Variants in PTK2B observed in about 807,000 individuals in gnomAD.
PTK2B encodes protein tyrosine kinase 2 beta, also known as protein-tyrosine kinase 2-beta.
A neutral mutation model predicts 142.9 loss-of-function variants in PTK2B; 71 were observed. The ratio of observed to expected loss-of-function variants is 0.50; its 90% CI spans 0.41 to 0.61. The LOEUF (loss-of-function observed/expected upper bound fraction) is 0.61. Among genes scored for constraint, PTK2B ranks in the 20% least tolerant of loss-of-function variants. PTK2B has a pLI of 0.00. For missense variants in PTK2B, 1,105 were observed against 1,320.4 expected (o/e 0.84, Z 2.53); for synonymous variants, 519 against 503.4 (o/e 1.03, Z -0.42).
Position 27,433,699 on chromosome 8 carries a change from C to T in PTK2B, c.1105+147C>T, listed in dbSNP as rs770031899. 26 of 729,500 alleles carry T rather than the reference C, an allele frequency of 3.6e-5. No homozygotes were observed. The East Asian group carries it at 6.4e-4, about 18-fold the overall frequency. The allele number at this position is 729,500 out of a possible 1,614,324, so 45.2% of individuals were successfully genotyped here. On this transcript the variant is annotated intron_variant, in intron 11 of 30. Transcript: ENST00000346049. ...GCCCAGCGGGAAGCTTCCAGTGGGC[C>T]CATCTTAGGCTTTAAGCCCTGGCCG...
intron 1 of PTK2B, among the ~76,000 whole-genome samples, chr8:27,378,695 G>C (rs1806827638): frequency 6.7e-6 from 1 of 150,108 alleles, no homozygotes; most frequent in Non-Finnish European, 1.5e-5. Flanking sequence ...CAGAAAAGTA[G>C]AACTTGGTTC....
At chr8:27,436,980 C>T in intron 15 of PTK2B, 142 bp from the exon 16 acceptor site, 1 of 751,686 alleles carries the variant, frequency 1.3e-6, no homozygotes, top group East Asian at 2.5e-5. Flanking sequence ...GAGAGGAAGA[C>T]AAAGGGGAGA....
rs571369689 is a variant in PTK2B, at chr8:27,451,372, TG to T, written c.2524-111del. 4.1e-4 allele frequency: 619 copies of T among 1,525,846 alleles called. 6 individuals carry two copies. In the East Asian group the frequency reaches 0.013, roughly 33 times the overall value. 94.5% of individuals were successfully genotyped at this position (1,525,846 alleles called of 1,614,324 possible). On this transcript the variant is annotated intron_variant, in intron 26 of 30. Coordinates refer to ENST00000346049, the MANE Select transcript of PTK2B (RefSeq NM_173176.3). ...GCTCCCAGAAGCACCCCCGACCCCA[TG>T]GCTGTAATCTCTAAACACACAGTGG... is the stretch of plus-strand genomic sequence containing the variant.
rs762712914 is a variant in PTK2B, at chr8:27,453,111, C to T, written c.2549-3C>T. ...CCCCCACTTGCTGTTCTTTTTATTG[C>T]AGTGGAGTTCACAGGGCCCCCACAG... On this transcript the variant is annotated splice_region_variant and splice_polypyrimidine_tract_variant and intron_variant, in intron 27 of 30. Coordinates refer to ENST00000346049, the MANE Select transcript of PTK2B (RefSeq NM_173176.3). 3.1e-6 allele frequency: 5 copies of T among 1,613,864 alleles called. No individual in the cohort carries two copies.
intron 2 of PTK2B, among the ~76,000 whole-genome samples, chr8:27,403,614 G>A (rs747134320): frequency 6.6e-6 from 1 of 152,156 alleles, no homozygotes; most frequent in Non-Finnish European, 1.5e-5. Context: ...TCTGGGGCAA[G>A]CAGAGGCTCA....
At chr8:27,447,181 G>A (rs1456043257) in intron 24 of PTK2B, among the ~76,000 whole-genome samples, 1 of 152,180 alleles carries the variant, frequency 6.6e-6, no homozygotes, top group Non-Finnish European at 1.5e-5. Flanking sequence ...GTTCCATAAA[G>A]AGATTGTGCA....
At chr8:27,360,785 G>T (rs914554365) in intron 1 of PTK2B, among the ~76,000 whole-genome samples, 4 of 152,228 alleles carry the variant, frequency 2.6e-5, no homozygotes, top group African/African-American at 9.6e-5. Flanking sequence ...GCAAGATGGG[G>T]AGAAAAAGCC....
At chr8:27,379,604 A>G (rs1259919276) in intron 1 of PTK2B, among the ~76,000 whole-genome samples, 1 of 152,178 alleles carries the variant, frequency 6.6e-6, no homozygotes, top group African/African-American at 2.4e-5. Flanking sequence ...ATTTCCATAG[A>G]TAATTTGCAT....
chr8:27,397,691 A>G lies in PTK2B; in HGVS notation c.107A>G (p.Glu36Gly), dbSNP rs1416130763. ...MVVVPVDVEKEDVRILKVCFY... is the reference protein window; with the variant it reads ...MVVVPVDVEKGDVRILKVCFY... The stretch of plus-strand genomic sequence containing the variant: ...GTGGTACCAGTAGATGTGGAAAAGG[A>G]GGACGTGCGTATCCTCAAGGTCTGC... Residue 36 changes from glutamate to glycine, a missense_variant, in exon 2 of 31, where the codon GAG (glutamate) becomes GGG (glycine). Transcript: ENST00000346049. The G allele has an allele frequency of 5.6e-6, 9 of 1,614,170 alleles. No individual in the cohort carries two copies. The highest frequency in any genetic ancestry group is 7.6e-6 in the Non-Finnish European group (9 of 1,180,064).
intron 1 of PTK2B, among the ~76,000 whole-genome samples, chr8:27,359,489 A>G (rs1417309347): frequency 6.6e-6 from 1 of 152,172 alleles, no homozygotes; most frequent in African/African-American, 2.4e-5. Context: ...TATAACGTGC[A>G]TCTGCTGCCC....
At chr8:27,385,100 GCTCA>G (rs1233458989) in intron 1 of PTK2B, among the ~76,000 whole-genome samples, 21 of 152,196 alleles carry the variant, frequency 1.4e-4, no homozygotes, top group African/African-American at 5.1e-4. Context: ...AAGTTACTCT[GCTCA>G]TCCTCGGAGA....
chr8:27,454,282 G>A lies in PTK2B; in HGVS notation c.2724G>A (p.Val908=). ...AGCTGCCCCCCGAGGGCTACGTGGT[G>A]GTGGTGAAGGTGAGAGCAGGGCTGG... ...LCQLPPEGYV[V]VVKNVGLTLR... is the part of the protein sequence containing the mutation. The change falls in exon 29 of 31, where the codon GTG becomes GTA. Residue 908 remains valine, a synonymous_variant. Transcript: ENST00000346049. 6.2e-7 allele frequency: 1 copy of A among 1,613,262 alleles called. No individual in the cohort carries two copies. The highest frequency in any genetic ancestry group is 1.3e-5 in the African/African-American group (1 of 75,030).
At chr8:27,383,453 C>A (rs1254146809) in intron 1 of PTK2B, among the ~76,000 whole-genome samples, 2 of 152,062 alleles carry the variant, frequency 1.3e-5, no homozygotes, top group African/African-American at 4.8e-5. Flanking sequence ...ACCACGTTGG[C>A]CAGGCTGGTC....
At chr8:27,440,503 A>G in intron 21 of PTK2B, 62 bp downstream of exon 21, 2 of 1,553,120 alleles carry the variant, frequency 1.3e-6, no homozygotes, top group South Asian at 2.2e-5. Context: ...GAGCAAGACC[A>G]GCACACAGAG....
At chr8:27,400,939 C>T (rs1364691150) in intron 2 of PTK2B, among the ~76,000 whole-genome samples, 4 of 151,972 alleles carry the variant, frequency 2.6e-5, no homozygotes, top group Non-Finnish European at 2.9e-5. Context: ...CGAGGTCAGG[C>T]GTTCGAGACC....
intron 24 of PTK2B, among the ~76,000 whole-genome samples, chr8:27,446,374 A>C (rs1811470263): frequency 6.6e-6 from 1 of 152,136 alleles, no homozygotes; most frequent in Non-Finnish European, 1.5e-5. Flanking sequence ...GCTTTTGTTC[A>C]GGCTGCTGCT....
rs144179520 is a variant in PTK2B, at chr8:27,436,293, G to A, written c.1286G>A (p.Arg429His). The change falls in exon 15 of 31, where the codon CGT becomes CAT. Residue 429 changes from arginine (R) to histidine (H), a missense_variant. Coordinates refer to ENST00000346049, the MANE Select transcript of PTK2B (RefSeq NM_173176.3). ...GCCCGTGAAGATGTGGTCCTGAATC[G>A]TATTCTTGGGGAAGGCTTTTTTGGG... ...GIAREDVVLN[R>H]ILGEGFFGEV... 155 of 1,614,180 alleles carry A rather than the reference G, an allele frequency of 9.6e-5. No individual in the cohort carries two copies. The African/African-American group carries it at 1.8e-3, about 19-fold the overall frequency.
At chr8:27,453,880 GA>G (rs1320890949) in intron 28 of PTK2B, among the ~76,000 whole-genome samples, 1 of 152,010 alleles carries the variant, frequency 6.6e-6, no homozygotes, top group Non-Finnish European at 1.5e-5. Flanking sequence ...TCTCTTCAAA[GA>G]AAAAAAGCCT....
In PTK2B at chr8:27,422,242, C is replaced by G. The variant is rs1223292555; in HGVS notation, c.472-62C>G. On this transcript the variant is annotated intron_variant, in intron 4 of 30. Transcript: ENST00000346049. Reference sequence around the variant, plus strand: ...AATGAGGCCCTTAATCTTCTGAGGCCTCTGTGCAGGGAAGTGGGAGGTGAG... The same window carrying G: ...AATGAGGCCCTTAATCTTCTGAGGCGTCTGTGCAGGGAAGTGGGAGGTGAG... 4 of 1,498,340 alleles carry G rather than the reference C, an allele frequency of 2.7e-6. No individual in the cohort carries two copies. In the African/African-American group the frequency reaches 5.6e-5, roughly 21 times the overall value. 92.8% of individuals were successfully genotyped at this position (1,498,340 alleles called of 1,614,324 possible).
Sources: allele counts gnomAD v4.1 joint callset (sites outside exome capture counted in the v4.1 genomes callset), GRCh38; gene constraint gnomAD v4.1.1; transcripts MANE v1.5; gene names NCBI Gene and HGNC (gene_info 2026-07-23, HGNC 2026-07-21).